The following PARD6G variants were observed in gnomAD, a reference collection of about 807,000 sequenced individuals.
The protein encoded by PARD6G is partitioning defective 6 homolog gamma.
Under a neutral mutation model 10.7 loss-of-function variants are expected in PARD6G, and 7 were observed. The ratio of observed to expected loss-of-function variants is 0.66; its 90% CI spans 0.37 to 1.23. The LOEUF (loss-of-function observed/expected upper bound fraction) is 1.23, where lower values mean the gene tolerates loss of function less well. Among genes scored for constraint, PARD6G ranks in the 50% most tolerant of loss-of-function variants. PARD6G has a pLI of 0.02. For synonymous variants in PARD6G, 287 were observed against 269.4 expected (o/e 1.07, Z -0.64); for missense variants, 548 against 571.8 (o/e 0.96, Z 0.42).
Position 80,188,120 on chromosome 18 carries a change from C to G in PARD6G, c.295+14590G>C, listed in dbSNP as rs901646166. Among the ~76,000 whole-genome samples the G allele has an allele frequency of 2.6e-5, 4 of 152,196 alleles. No homozygotes were observed. Among genetic ancestry groups the G allele is most frequent in the Non-Finnish European group, 4.4e-5 (3 of 68,034 alleles). ...CGTGCTCAATATTAGAAGTAAGATG[C>G]CTTGGACACAGTAATATCCCTCTCA... On this transcript the variant is annotated intron_variant, in intron 2 of 2. Transcript: ENST00000353265. This position sits in a 1 kb window ranked among gnomAD's most constrained non-coding sequence, Gnocchi z 5.4.
chr18:80,200,917 C>T lies in PARD6G; in HGVS notation c.295+1793G>A, dbSNP rs1057308077. On this transcript the variant is annotated intron_variant, in intron 2 of 2. Coordinates refer to ENST00000353265, the MANE Select transcript of PARD6G (RefSeq NM_032510.4). This position sits in a 1 kb window ranked among gnomAD's most constrained non-coding sequence, Gnocchi z 4.4. ...ACAGTGCCTTCTGCTGGCCTTCACCCCAGCTCCACAGTCAGCGGGACAAAA... is the reference window on the plus strand; with the variant it reads ...ACAGTGCCTTCTGCTGGCCTTCACCTCAGCTCCACAGTCAGCGGGACAAAA... Among the ~76,000 whole-genome samples, 7 of 152,212 alleles carry T rather than the reference C, an allele frequency of 4.6e-5. No homozygotes were observed. The highest frequency in any genetic ancestry group is 1.0e-4 in the Non-Finnish European group (7 of 68,044).
At chr18:80,227,081 C>T (rs113851857) in intron 1 of PARD6G, among the ~76,000 whole-genome samples, 3 of 152,254 alleles carry the variant, frequency 2.0e-5, no homozygotes, top group African/African-American at 7.2e-5. Context: ...GCAGCCTCTC[C>T]AGTAGCTAGA....
chr18:80,197,170 A>C (rs1966965523), intron 2 of PARD6G, among the ~76,000 whole-genome samples: 1 of 152,222 alleles, frequency 6.6e-6, no homozygotes, highest in African/African-American at 2.4e-5. Flanking sequence ...TTGAATTCTG[A>C]CGGCTTAACT....
In PARD6G at chr18:80,209,207, C is replaced by T. The variant is rs547719851; in HGVS notation, c.73-6275G>A. Among the ~76,000 whole-genome samples, 24 of 152,112 alleles carry T rather than the reference C, an allele frequency of 1.6e-4. No individual in the cohort carries two copies. The South Asian group carries it at 3.9e-3, about 25-fold the overall frequency. The stretch of plus-strand genomic sequence containing the variant: ...TTCCCCTTAAAAGGACCCATGGTTC[C>T]GAGGCAAAATGGCTAATTCCAGGTA... On this transcript the variant is annotated intron_variant, in intron 1 of 2. Transcript: ENST00000353265.
intron 1 of PARD6G, among the ~76,000 whole-genome samples, chr18:80,224,782 G>A (rs1967272317): frequency 1.3e-5 from 2 of 152,092 alleles, no homozygotes; most frequent in South Asian, 4.2e-4. Flanking sequence ...GGGAGGCGGA[G>A]GTTGCAGTGA....
Position 80,202,698 on chromosome 18 carries a change from C to A in PARD6G, c.295+12G>T. 1 of 1,609,130 alleles carries A rather than the reference C, an allele frequency of 6.2e-7. No homozygotes were observed. Among genetic ancestry groups the A allele is most frequent in the African/African-American group, 1.3e-5 (1 of 74,900 alleles). On this transcript the variant is annotated intron_variant, in intron 2 of 2. Transcript: ENST00000353265. Reference sequence around the variant, plus strand: ...TCAACAAGACCAGCCGGCCACTCAACCACTTCAGTACCTCGTTTCTGGATG... The same window carrying A: ...TCAACAAGACCAGCCGGCCACTCAAACACTTCAGTACCTCGTTTCTGGATG...
intron 1 of PARD6G, among the ~76,000 whole-genome samples, chr18:80,236,709 C>G (rs1967427297): frequency 6.6e-6 from 1 of 152,094 alleles, no homozygotes. Context: ...ACACCAATAA[C>G]AAACAGAGAA....
In PARD6G at chr18:80,200,586, T is replaced by C. The variant is rs1003065104; in HGVS notation, c.295+2124A>G. Among the ~76,000 whole-genome samples, 1 of 152,050 alleles carries C rather than the reference T, an allele frequency of 6.6e-6. No homozygotes were observed. The highest frequency in any genetic ancestry group is 2.4e-5 in the African/African-American group (1 of 41,404). On this transcript the variant is annotated intron_variant, in intron 2 of 2. Coordinates refer to ENST00000353265, the MANE Select transcript of PARD6G (RefSeq NM_032510.4). This position sits in a 1 kb window ranked among gnomAD's most constrained non-coding sequence, Gnocchi z 4.4. ...GTCTCCCTAGCTCCACACTGTAACA[T>C]GACAGAGGAAGGCAGGGGCTGCTGG...
intron 1 of PARD6G, among the ~76,000 whole-genome samples, chr18:80,244,696 A>C (rs1185374122): frequency 6.6e-6 from 1 of 152,162 alleles, no homozygotes; most frequent in African/African-American, 2.4e-5. Flanking sequence ...AAAGCTCACA[A>C]ATGCAGTAGG....
rs574362585 is a variant in PARD6G, at chr18:80,236,241, C to T, written c.72+11036G>A. ...TAATCCAGCATATAAACAGAACCAA[C>T]GACAAAAACCACATGATTATCTCAA... On this transcript the variant is annotated intron_variant, in intron 1 of 2. Coordinates refer to ENST00000353265, the MANE Select transcript of PARD6G (RefSeq NM_032510.4). Among the ~76,000 whole-genome samples the T allele has an allele frequency of 1.9e-3, 292 of 152,218 alleles. 1 individual carries two copies. The highest frequency in any genetic ancestry group is 3.3e-3 in the Non-Finnish European group (222 of 68,012).
chr18:80,218,259 C>T lies in PARD6G; in HGVS notation c.73-15327G>A, dbSNP rs560585111. 3.3e-5 allele frequency among the ~76,000 whole-genome samples: 5 copies of T among 152,228 alleles called. No individual in the cohort carries two copies. The East Asian group carries it at 9.6e-4, about 29-fold the overall frequency. The stretch of plus-strand genomic sequence containing the variant: ...AGTCTCATGTGAGACAAGCCAAGTC[C>T]TTTCTGCCTATGAGCCTGTAAAATC... On this transcript the variant is annotated intron_variant, in intron 1 of 2. Transcript: ENST00000353265.
intron 2 of PARD6G, 97 bp downstream of exon 2, chr18:80,202,613 C>T (rs551693720): frequency 3.0e-5 from 31 of 1,033,008 alleles, no homozygotes; most frequent in Middle Eastern, 3.2e-4. Context: ...GGTTAGAAAA[C>T]GAACCACATA....
rs755848934 is a variant in PARD6G at position 80,160,062 on chromosome 18, G to A, written c.840C>T (p.Pro280=). 4.5e-6 allele frequency: 7 copies of A among 1,562,636 alleles called. No homozygotes were observed. The highest frequency in any genetic ancestry group is 1.2e-5 in the South Asian group (1 of 82,476). The change falls in exon 3 of 3, where the codon CCC becomes CCT. Residue 280 remains proline (P), a synonymous_variant. Transcript: ENST00000353265. The part of the protein sequence containing the change: ...SDGTAGFVGP[P]APRVLQNFHP... ...GGAAGTTCTGCAGGACGCGCGGGGCGGGGGGACCCACGAAGCCCGCGGTGC... is the reference window on the plus strand; with the variant it reads ...GGAAGTTCTGCAGGACGCGCGGGGCAGGGGGACCCACGAAGCCCGCGGTGC...
At chr18:80,221,504 T>C (rs8088954) in intron 1 of PARD6G, among the ~76,000 whole-genome samples, 128,803 of 152,150 alleles carry the variant, frequency 0.85, 54,644 homozygotes, top group Non-Finnish European at 0.87. Flanking sequence ...AATCTAACAC[T>C]CTTTTATGAT....
chr18:80,226,774 C>A (rs1967297520), intron 1 of PARD6G, among the ~76,000 whole-genome samples: 1 of 152,214 alleles, frequency 6.6e-6, no homozygotes, highest in Admixed American at 6.5e-5. Context: ...AAGACCCAGG[C>A]ATTAATTTAT....
At chr18:80,243,357 T>C (rs1184701404) in intron 1 of PARD6G, among the ~76,000 whole-genome samples, 2 of 152,150 alleles carry the variant, frequency 1.3e-5, no homozygotes, top group Non-Finnish European at 2.9e-5. Context: ...CATGCCTATT[T>C]GACCCAAATT....
intron 1 of PARD6G, among the ~76,000 whole-genome samples, chr18:80,213,635 C>G (rs999043317): frequency 1.3e-5 from 2 of 152,110 alleles, no homozygotes; most frequent in East Asian, 1.9e-4. Context: ...ACAACAAAAC[C>G]CTTGAGAAGG....
chr18:80,165,643 T>C (rs901280643), intron 2 of PARD6G, among the ~76,000 whole-genome samples: 4 of 152,254 alleles, frequency 2.6e-5, no homozygotes, highest in African/African-American at 9.6e-5. Context: ...TATGTTCCTC[T>C]GCTGTGGCTC....
At chr18:80,214,206 C>T (rs1967137783) in intron 1 of PARD6G, among the ~76,000 whole-genome samples, 1 of 152,094 alleles carries the variant, frequency 6.6e-6, no homozygotes, top group African/African-American at 2.4e-5. Flanking sequence ...GCCTGTAATC[C>T]CAGCACTTTG....
Sources: gnomAD v4.1 joint callset for allele counts (sites outside exome capture counted in the v4.1 genomes callset) on GRCh38, gnomAD v4.1.1 for gene constraint, Gnocchi (gnomAD v3.1) non-coding constraint, MANE v1.5 for transcripts, NCBI Gene and HGNC (gene_info 2026-07-23, HGNC 2026-07-21) for gene names.